The following SATL1 variants were observed in gnomAD, a reference collection of about 807,000 sequenced individuals.
SATL1 encodes the protein spermidine/spermine N1-acetyl transferase like 1.
Under a neutral mutation model 51.8 loss-of-function variants are expected in SATL1, and 47 were observed. The observed-to-expected ratio is 0.91, with a 90% CI of 0.72 to 1.16. SATL1 has a LOEUF of 1.16. Among genes scored for constraint, SATL1 ranks in the 50% most tolerant of loss-of-function variants. SATL1 has a pLI of 0.00. For missense variants in SATL1, 520 were observed against 526.4 expected (o/e 0.99, Z 0.12); for synonymous variants, 176 against 182.4 (o/e 0.97, Z 0.28).
intron 2 of SATL1, among the ~76,000 whole-genome samples, chrX:85,213,971 C>T (rs1485791273): frequency 1.8e-5 from 2 of 110,763 alleles, no homozygotes; most frequent in Non-Finnish European, 3.8e-5. Context: ...GGAAGCTGGC[C>T]GGTCTTAAAT....
intron 2 of SATL1, among the ~76,000 whole-genome samples, chrX:85,112,446 C>A (rs1925282203): frequency 9.0e-6 from 1 of 111,219 alleles, no homozygotes. Context: ...ACGGTTTGAC[C>A]TTTGACTTAG....
chrX:85,203,987 C>A (rs181508487), intron 2 of SATL1, among the ~76,000 whole-genome samples: 192 of 112,192 alleles, frequency 1.7e-3, no homozygotes, highest in Non-Finnish European at 3.2e-3. Context: ...GCTGGAATGC[C>A]TGAGTATCTA....
intron 2 of SATL1, among the ~76,000 whole-genome samples, chrX:85,141,226 A>G (rs191800533): frequency 1.9e-3 from 209 of 111,496 alleles, no homozygotes; most frequent in African/African-American, 6.7e-3. Context: ...GAATTGTTCC[A>G]TGTGGCCACT....
At chrX:85,220,644 T>TAAAAAAAAAAAAA (rs57383092) in intron 2 of SATL1, among the ~76,000 whole-genome samples, 1 of 24,164 alleles carries the variant, frequency 4.1e-5, no homozygotes, top group African/African-American at 1.6e-4. Context: ...ACTTCTGTGT[T>TAAAAAAAAAAAAA]AAAAAAAAAA....
intron 6 of SATL1, among the ~76,000 whole-genome samples, chrX:85,093,807 T>C (rs1430129967): frequency 8.9e-6 from 1 of 112,173 alleles, no homozygotes; most frequent in Non-Finnish European, 1.9e-5. Flanking sequence ...GAGGTTACAA[T>C]GAGTCGTGAT....
intron 3 of SATL1, 49 bp downstream of exon 3, chrX:85,107,279 C>T (rs1466615761): frequency 9.3e-7 from 1 of 1,069,859 alleles, no homozygotes; most frequent in African/African-American, 1.8e-5. Flanking sequence ...CTTACTCTTT[C>T]AGCCCTACAC....
chrX:85,215,436 C>A (rs1311317462), intron 2 of SATL1, among the ~76,000 whole-genome samples: 6 of 112,189 alleles, frequency 5.3e-5, no homozygotes. Context: ...TCTTCTCTAT[C>A]ACATGGCCAG....
chrX:85,152,774 A>G (rs995709760), intron 2 of SATL1, among the ~76,000 whole-genome samples: 13 of 110,154 alleles, frequency 1.2e-4, no homozygotes, highest in Non-Finnish European at 2.5e-4. Context: ...CAATGAGAAC[A>G]CATGGACACA....
chrX:85,104,726 C>T (rs888429676), intron 3 of SATL1, among the ~76,000 whole-genome samples: 1 of 111,422 alleles, frequency 9.0e-6, no homozygotes, highest in African/African-American at 3.3e-5. Context: ...TGCATGTACC[C>T]TATGTACATC....
At chrX:85,120,305 C>A (rs1280764525) in intron 2 of SATL1, among the ~76,000 whole-genome samples, 1 of 111,188 alleles carries the variant, frequency 9.0e-6, no homozygotes, top group African/African-American at 3.3e-5. Flanking sequence ...TGGAATGTCC[C>A]CGGTTTAGAA....
intron 2 of SATL1, among the ~76,000 whole-genome samples, chrX:85,216,050 G>A (rs180711194): frequency 7.2e-5 from 8 of 111,811 alleles, no homozygotes; most frequent in Admixed American, 5.7e-4. Flanking sequence ...CTAGATGACC[G>A]GGAGTCTGGT....
chrX:85,131,876 T>C (rs1569233380), intron 2 of SATL1, among the ~76,000 whole-genome samples: 1 of 111,860 alleles, frequency 8.9e-6, no homozygotes, highest in Non-Finnish European at 1.9e-5. Flanking sequence ...TTTGCTTGTC[T>C]GTAAAGTATT....
chrX:85,123,595 T>A (rs184572237), intron 2 of SATL1, among the ~76,000 whole-genome samples: 1 of 111,794 alleles, frequency 8.9e-6, no homozygotes, highest in East Asian at 2.8e-4. Context: ...TTTGCAAATA[T>A]TTTCTCCCAT....
chrX:85,227,211 C>T (rs1928293181), intron 1 of SATL1, among the ~76,000 whole-genome samples: 1 of 111,355 alleles, frequency 9.0e-6, no homozygotes, highest in African/African-American at 3.3e-5. Flanking sequence ...AATCATGTTG[C>T]CTCTCATTTA....
rs761951020 is a variant in SATL1, at chrX:85,108,727, T to G, written c.242A>C (p.Gln81Pro). Reference sequence around the variant, plus strand: ...CATGCCTGGTTGGCTCCTACCTAATTGCCATGTGTCTGGTTGTTTCATGTC... The same window carrying G: ...CATGCCTGGTTGGCTCCTACCTAATGGCCATGTGTCTGGTTGTTTCATGTC... ...QPDMKQPDTW[Q>P]LGRSQPGMLQ... Residue 81 changes from glutamine (Q) to proline (P), a missense_variant, in exon 3 of 8, where the codon CAA becomes CCA. Physicochemically the swap from Gln to Pro is moderately conservative, Grantham distance 76. Transcript: ENST00000644105. 8.3e-6 allele frequency: 10 copies of G among 1,207,118 alleles called. No homozygotes were observed. Among genetic ancestry groups the G allele is most frequent in the Non-Finnish European group, 1.1e-5 (10 of 892,782 alleles).
chrX:85,216,824 G>A lies in SATL1; in HGVS notation c.-313+7381C>T, dbSNP rs1358944000. On this transcript the variant is annotated intron_variant, in intron 2 of 7. Transcript: ENST00000644105. ...TTATGCAATCGATGTAGCTCATTGA[G>A]GGCGTCATTCAATGTGTGTGTCCAC... is the stretch of plus-strand genomic sequence containing the variant. 7.2e-5 allele frequency among the ~76,000 whole-genome samples: 8 copies of A among 111,833 alleles called. No individual in the cohort carries two copies. The Admixed American group carries it at 7.6e-4, about 11-fold the overall frequency.
chrX:85,201,546 A>G (rs1252902042), intron 2 of SATL1, among the ~76,000 whole-genome samples: 1 of 111,214 alleles, frequency 9.0e-6, no homozygotes, highest in East Asian at 2.8e-4. Context: ...TTTGTTGTAC[A>G]TATTATTACA....
In SATL1 at chrX:85,149,424, A is replaced by G. The variant is rs758409093; in HGVS notation, c.-312-40144T>C. Among the ~76,000 whole-genome samples the G allele has an allele frequency of 7.8e-4, 87 of 111,466 alleles. 1 individual carries two copies. Among genetic ancestry groups the G allele is most frequent in the African/African-American group, 2.7e-3 (82 of 30,637 alleles). On this transcript the variant is annotated intron_variant, in intron 2 of 7. Coordinates refer to ENST00000644105, the MANE Select transcript of SATL1 (RefSeq NM_001367857.2). ...AGATCAATGAGACAGAAAGTTAACA[A>G]GGATATCCAGGAATTGAACTCAGCT...
intron 2 of SATL1, among the ~76,000 whole-genome samples, chrX:85,222,328 A>C (rs776372421): frequency 9.7e-4 from 109 of 112,021 alleles, no homozygotes; most frequent in Non-Finnish European, 1.9e-3. Flanking sequence ...AATAGTGATT[A>C]GTCAAGAAAT....
Sources: gnomAD v4.1 joint callset for allele counts (sites outside exome capture counted in the v4.1 genomes callset) on GRCh38, gnomAD v4.1.1 for gene constraint, MANE v1.5 for transcripts, NCBI Gene and HGNC (gene_info 2026-07-23, HGNC 2026-07-21) for gene names.